CLMP: variants seen among roughly 807,000 people sequenced by gnomAD.
CLMP encodes the protein CXADR like cell adhesion molecule.
CLMP carries 27 observed loss-of-function variants against 45.2 expected under a neutral mutation model. The observed-to-expected ratio is 0.60, with a 90% CI of 0.44 to 0.82. The LOEUF (loss-of-function observed/expected upper bound fraction) is 0.82, where lower values mean the gene tolerates loss of function less well. Ranked by LOEUF, CLMP falls within the 40% of genes least tolerant of loss-of-function variation. The pLI is 0.00. For synonymous variants in CLMP, 167 were observed against 171.4 expected (o/e 0.97, Z 0.20); for missense variants, 403 against 448.4 (o/e 0.90, Z 0.91).
At chr11:123,126,535 G>A (rs1191865573) in intron 1 of CLMP, among the ~76,000 whole-genome samples, 1 of 152,074 alleles carries the variant, frequency 6.6e-6, no homozygotes, top group Non-Finnish European at 1.5e-5. Flanking sequence ...GAGGATTAAA[G>A]GTGTGAGCCA....
At chr11:123,139,268 T>C (rs1198870777) in intron 1 of CLMP, among the ~76,000 whole-genome samples, 8 of 151,800 alleles carry the variant, frequency 5.3e-5, no homozygotes, top group Non-Finnish European at 1.2e-4. Context: ...TCCTATTGAA[T>C]TGAAAACTAT....
intron 5 of CLMP, among the ~76,000 whole-genome samples, chr11:123,082,398 T>C (rs910839509): frequency 4.6e-5 from 7 of 152,168 alleles, no homozygotes; most frequent in Admixed American, 4.6e-4. Flanking sequence ...AACCTCCGTG[T>C]CTCAGGTTAA....
At position 123,194,930 on chromosome 11, in the gene CLMP, A is replaced by G; in HGVS notation, c.11T>C (p.Leu4Pro). 6.2e-7 allele frequency: 1 copy of G among 1,613,088 alleles called. No individual in the cohort carries two copies. Among genetic ancestry groups the G allele is most frequent in the South Asian group, 1.1e-5 (1 of 91,044 alleles). MSL[L>P]LLLLLVSYYV... ...GCACTCACCTAGCAAGAGGAGAAGGAGGAGGGACATCCCGATCCCCGGACG... is the reference window on the plus strand; with the variant it reads ...GCACTCACCTAGCAAGAGGAGAAGGGGGAGGGACATCCCGATCCCCGGACG... The change falls in exon 1 of 7, where the codon CTC becomes CCC. Residue 4 changes from leucine (L) to proline (P), a missense_variant. Leu to Pro is a moderately conservative substitution (Grantham distance 98, BLOSUM62 -3). Coordinates refer to ENST00000448775, the MANE Select transcript of CLMP (RefSeq NM_024769.5).
At chr11:123,140,307 G>C (rs1458493714) in intron 1 of CLMP, among the ~76,000 whole-genome samples, 1 of 152,136 alleles carries the variant, frequency 6.6e-6, no homozygotes, top group Non-Finnish European at 1.5e-5. Flanking sequence ...TGTATAGTAG[G>C]GGTGAAAGGT....
chr11:123,177,774 A>G (rs1861717252), intron 1 of CLMP, among the ~76,000 whole-genome samples: 1 of 152,202 alleles, frequency 6.6e-6, no homozygotes, highest in Non-Finnish European at 1.5e-5. Flanking sequence ...ATGAAACTCA[A>G]CCAATTATAT....
intron 1 of CLMP, among the ~76,000 whole-genome samples, chr11:123,149,366 G>C (rs11219022): frequency 0.15 from 22,738 of 152,138 alleles, 1,970 homozygotes; most frequent in South Asian, 0.25. Flanking sequence ...GCAGCCCTGG[G>C]AAACTGATAC....
chr11:123,086,203 C>T (rs974992086), intron 2 of CLMP, among the ~76,000 whole-genome samples: 13 of 152,284 alleles, frequency 8.5e-5, no homozygotes, highest in Middle Eastern at 3.4e-3. Flanking sequence ...TGAGCCACTG[C>T]GCCTGGCAAA....
chr11:123,125,673 A>G (rs926379672), intron 1 of CLMP, among the ~76,000 whole-genome samples: 53 of 149,560 alleles, frequency 3.5e-4, no homozygotes, highest in African/African-American at 1.2e-3. Flanking sequence ...GCACGATCTC[A>G]GCTCACTGCA....
intron 1 of CLMP, among the ~76,000 whole-genome samples, chr11:123,171,974 A>T (rs529342411): frequency 9.2e-5 from 14 of 152,170 alleles, no homozygotes; most frequent in Non-Finnish European, 1.8e-4. Context: ...AAGCATTTAT[A>T]CATATTCACT....
intron 1 of CLMP, among the ~76,000 whole-genome samples, chr11:123,148,174 G>T (rs747896270): frequency 6.6e-6 from 1 of 152,154 alleles, no homozygotes; most frequent in African/African-American, 2.4e-5. Context: ...AGTACGTGGC[G>T]TGTTTTAAGT....
chr11:123,114,402 A>C (rs1281627518), intron 1 of CLMP, among the ~76,000 whole-genome samples: 5 of 151,414 alleles, frequency 3.3e-5, no homozygotes, highest in African/African-American at 1.2e-4. Flanking sequence ...TGAAACAAAG[A>C]ATTGAAGGAG....
intron 5 of CLMP, among the ~76,000 whole-genome samples, chr11:123,081,776 C>A (rs12417502): frequency 0.021 from 3,125 of 150,964 alleles, 101 homozygotes; most frequent in East Asian, 0.17. Context: ...GCAGGAGAGT[C>A]GCTTGAACCC....
chr11:123,131,526 A>C (rs1325971823), intron 1 of CLMP, among the ~76,000 whole-genome samples: 2 of 152,160 alleles, frequency 1.3e-5, no homozygotes, highest in African/African-American at 4.8e-5. Flanking sequence ...GGGTTTCAAA[A>C]CACAGTGTGG....
At chr11:123,120,842 T>C (rs1413712815) in intron 1 of CLMP, among the ~76,000 whole-genome samples, 1 of 152,020 alleles carries the variant, frequency 6.6e-6, no homozygotes, top group Non-Finnish European at 1.5e-5. Context: ...AAAAGCTGTT[T>C]GGGGCCGGGC....
At chr11:123,154,915 C>T (rs1469737369) in intron 1 of CLMP, among the ~76,000 whole-genome samples, 1 of 152,068 alleles carries the variant, frequency 6.6e-6, no homozygotes, top group Non-Finnish European at 1.5e-5. Flanking sequence ...AAATATGGGG[C>T]TCATTGGGAG....
intron 2 of CLMP, among the ~76,000 whole-genome samples, chr11:123,094,085 T>C (rs1865963929): frequency 1.3e-5 from 2 of 152,208 alleles, no homozygotes; most frequent in Non-Finnish European, 2.9e-5. Context: ...GACCAGGCAC[T>C]GAGGTCAGGG....
intron 1 of CLMP, among the ~76,000 whole-genome samples, chr11:123,100,834 A>T (rs776175963): frequency 2.6e-5 from 4 of 151,692 alleles, no homozygotes; most frequent in Non-Finnish European, 5.9e-5. Flanking sequence ...TGAGACAGGA[A>T]GTCAGGGCTT....
chr11:123,073,315 T>G lies in CLMP; in HGVS notation c.*159A>C. On this transcript the variant is annotated 3_prime_UTR_variant, in exon 7 of 7. Transcript: ENST00000448775. ...ACATCCTTTTGCTTGTTTGGTATTG[T>G]ATAAGGAAAATGCTCATCTGAATCT... is the stretch of plus-strand genomic sequence containing the variant. 1.3e-6 allele frequency: 1 copy of G among 795,600 alleles called. No homozygotes were observed. Among genetic ancestry groups the G allele is most frequent in the Non-Finnish European group, 2.0e-6 (1 of 503,322 alleles). The allele number at this position is 795,600 out of a possible 1,614,324, so 49.3% of individuals were successfully genotyped here.
At chr11:123,074,901 A>G in intron 5 of CLMP, 58 bp from the exon 6 acceptor site, 1 of 1,560,382 alleles carries the variant, frequency 6.4e-7, no homozygotes, top group Non-Finnish European at 8.7e-7. Context: ...GAAATATGTT[A>G]TTAACTCAAA....
Sources: gnomAD v4.1 joint callset for allele counts (sites outside exome capture counted in the v4.1 genomes callset) on GRCh38, gnomAD v4.1.1 for gene constraint, MANE v1.5 for transcripts, NCBI Gene and HGNC (gene_info 2026-07-23, HGNC 2026-07-21) for gene names.